Variants in AHNAK observed in about 807,000 individuals in gnomAD.
AHNAK encodes the protein neuroblast differentiation-associated protein AHNAK.
A neutral mutation model predicts 37.8 loss-of-function variants in AHNAK; 23 were observed. That is an observed-to-expected ratio of 0.61 (90% CI 0.44 to 0.86). AHNAK has a LOEUF of 0.86. Ranked by LOEUF, AHNAK falls within the 40% of genes least tolerant of loss-of-function variation. The pLI, the probability that AHNAK is intolerant of heterozygous loss-of-function variation, is 0.00. For synonymous variants in AHNAK, 2,481 were observed against 2,636.3 expected, an observed-to-expected ratio of 0.94 and a Z score of 1.80; for missense variants, 7,411 against 7,319.4, an observed-to-expected ratio of 1.01 and a Z score of -0.46.
In AHNAK at chr11:62,533,054, G is replaced by T. The variant is rs1247058064; in HGVS notation, c.1363C>A (p.Leu455Met). Reference protein sequence around the residue: ...KGEETGIDVTLPTGEVTVPGV... With the variant: ...KGEETGIDVTMPTGEVTVPGV... ...GGAACAGTCACTTCACCTGTAGGCA[G>T]TGTCACATCAATCCCAGTTTCCTCT... is the stretch of plus-strand genomic sequence containing the variant. Residue 455 changes from leucine to methionine, a missense_variant, in exon 5 of 5, where the codon CTG becomes ATG. By Grantham distance (15) the Leu-to-Met change is conservative (BLOSUM62 2). Coordinates refer to ENST00000378024, the MANE Select transcript of AHNAK (RefSeq NM_001620.3). 2 of 1,610,886 alleles carry T rather than the reference G, an allele frequency of 1.2e-6. No individual in the cohort carries two copies. The highest frequency in any genetic ancestry group is 3.4e-5 in the Admixed American group (2 of 59,150).
chr11:62,527,636 G>A lies in AHNAK; in HGVS notation c.6781C>T (p.Pro2261Ser), dbSNP rs144211207. Residue 2261 changes from proline to serine, a missense_variant, in exon 5 of 5, where the codon CCA (proline) becomes TCA (serine). Physicochemically the swap from Pro to Ser is moderately conservative, Grantham distance 74. Coordinates refer to ENST00000378024, the MANE Select transcript of AHNAK (RefSeq NM_001620.3). ...FSMPGFKGEG[P>S]EVDVNLPKAD... is the part of the protein sequence containing the mutation. ...TTGGGCAAGTTCACATCCACTTCTG[G>A]GCCCTCTCCTTTGAAGCCAGGCATG... 2.0e-5 allele frequency: 32 copies of A among 1,613,852 alleles called. No individual in the cohort carries two copies. In the African/African-American group the frequency reaches 3.2e-4, roughly 16 times the overall value.
At chr11:62,436,359 T>A (rs1381162859) in intron 5 of AHNAK, among the ~76,000 whole-genome samples, 1 of 152,040 alleles carries the variant, frequency 6.6e-6, no homozygotes, top group African/African-American at 2.4e-5. Flanking sequence ...GTACCAAGAT[T>A]CACTCTCAAC....
At chr11:62,490,197 C>CTTTTTTTTTTTTTTTTTTTTT (rs944550481) in intron 5 of AHNAK, among the ~76,000 whole-genome samples, 1 of 115,932 alleles carries the variant, frequency 8.6e-6, no homozygotes, top group Non-Finnish European at 1.8e-5. Context: ...TTTTCTTTTT[C>CTTTTTTTTTTTTTTTTTTTTT]TTTTTTTTTT....
At chr11:62,502,988 T>G (rs1471063490) in intron 4 of AHNAK, among the ~76,000 whole-genome samples, 1 of 152,136 alleles carries the variant, frequency 6.6e-6, no homozygotes, top group East Asian at 1.9e-4. Context: ...CTCCAAGACC[T>G]TTTTTTCCCT....
intron 4 of AHNAK, among the ~76,000 whole-genome samples, chr11:62,496,265 A>C (rs1939607674): frequency 6.6e-6 from 1 of 152,196 alleles, no homozygotes; most frequent in Non-Finnish European, 1.5e-5. Flanking sequence ...ACTGCCTTAA[A>C]AGTCCTAGGC....
At chr11:62,496,835 GAAGGAAGGAAGA>G (rs1445817412) in intron 4 of AHNAK, among the ~76,000 whole-genome samples, 7 of 149,694 alleles carry the variant, frequency 4.7e-5, no homozygotes, top group Admixed American at 4.0e-4. Context: ...AGAAAGAAAG[GAAGGAAGGAAGA>G]AAGGAAGGAA....
At position 62,531,100 on chromosome 11, in the gene AHNAK, G is replaced by C; in HGVS notation, c.3317C>G (p.Pro1106Arg). Reference protein sequence around the residue: ...MQVPDVDIRGPKVDIKAPDVE... With the variant: ...MQVPDVDIRGRKVDIKAPDVE... ...ATCTGGTGCTTTAATATCTACCTTG[G>C]GACCTCTGATGTCCACATCTGGAAC... The change falls in exon 5 of 5, where the codon CCC becomes CGC. Residue 1106 changes from proline (P) to arginine (R), a missense_variant. Coordinates refer to ENST00000378024, the MANE Select transcript of AHNAK (RefSeq NM_001620.3). The C allele has an allele frequency of 6.2e-7, 1 of 1,613,968 alleles. No individual in the cohort carries two copies. Among genetic ancestry groups the C allele is most frequent in the Non-Finnish European group, 8.5e-7 (1 of 1,180,026 alleles).
intron 5 of AHNAK, among the ~76,000 whole-genome samples, chr11:62,491,560 T>C (rs976873579): frequency 6.6e-6 from 1 of 151,732 alleles, no homozygotes; most frequent in African/African-American, 2.4e-5. Context: ...GAAAGAAGAG[T>C]AGGGTTTGAA....
chr11:62,492,314 G>A (rs952149826), intron 4 of AHNAK, among the ~76,000 whole-genome samples: 6 of 152,096 alleles, frequency 3.9e-5, no homozygotes, highest in Admixed American at 1.3e-4. Flanking sequence ...CAGGGGTTCC[G>A]ATCACTAGAT....
At chr11:62,453,116 T>A (rs1337177075) in intron 5 of AHNAK, among the ~76,000 whole-genome samples, 3 of 152,074 alleles carry the variant, frequency 2.0e-5, no homozygotes, top group African/African-American at 7.2e-5. Flanking sequence ...CCCAGGAGCA[T>A]CCCACCTCCA....
chr11:62,456,134 C>T (rs140802854), intron 5 of AHNAK, among the ~76,000 whole-genome samples: 96 of 152,264 alleles, frequency 6.3e-4, no homozygotes, highest in African/African-American at 2.2e-3. Flanking sequence ...GAAAAGACAG[C>T]ATCTGCAAGC....
rs1250107731 is a variant in AHNAK at position 62,532,315 on chromosome 11, T to A, written c.2102A>T (p.Asp701Val). The change falls in exon 5 of 5, where the codon GAT (aspartate) becomes GTT (valine). Residue 701 changes from aspartate (D) to valine (V), a missense_variant. Coordinates refer to ENST00000378024, the MANE Select transcript of AHNAK (RefSeq NM_001620.3). ...SVKTPKISMP[D>V]VDLHVKGTKV... ...TGTACCTTTCACGTGCAAATCTACATCAGGCATGGAGATCTTTGGTGTCTT... is the reference window on the plus strand; with the variant it reads ...TGTACCTTTCACGTGCAAATCTACAACAGGCATGGAGATCTTTGGTGTCTT... The A allele has an allele frequency of 3.7e-6, 6 of 1,614,086 alleles. No homozygotes were observed. Among genetic ancestry groups the A allele is most frequent in the Admixed American group, 3.3e-5 (2 of 59,994 alleles).
At chr11:62,452,777 C>A (rs2036651162) in intron 5 of AHNAK, among the ~76,000 whole-genome samples, 1 of 152,066 alleles carries the variant, frequency 6.6e-6, no homozygotes, top group Non-Finnish European at 1.5e-5. Flanking sequence ...GTAATCCCAA[C>A]ACTTTGGGAG....
chr11:62,525,833 C>T lies in AHNAK; in HGVS notation c.8584G>A (p.Gly2862Arg), dbSNP rs1255994125. The T allele has an allele frequency of 2.5e-6, 4 of 1,613,944 alleles. No individual in the cohort carries two copies. Among genetic ancestry groups the T allele is most frequent in the Non-Finnish European group, 3.4e-6 (4 of 1,180,046 alleles). ...TCAACTTCAGGACCTTTCAGATCTC[C>T]CTCTACCTTAGGGCCTGTAACATCC... ...DVDVTGPKVE[G>R]DLKGPEVDLK... is the part of the protein sequence containing the mutation. Residue 2862 changes from glycine (G) to arginine (R), a missense_variant, in exon 5 of 5, where the codon GGA becomes AGA. Gly to Arg is a moderately radical substitution (Grantham distance 125). Coordinates refer to ENST00000378024, the MANE Select transcript of AHNAK (RefSeq NM_001620.3).
chr11:62,483,149 AC>A (rs1243894203), intron 5 of AHNAK, among the ~76,000 whole-genome samples: 3 of 151,998 alleles, frequency 2.0e-5, no homozygotes, highest in African/African-American at 4.8e-5. Context: ...GTGACAGAAG[AC>A]CCCGAAGGCC....
At chr11:62,444,825 G>T (rs545114891) in intron 5 of AHNAK, among the ~76,000 whole-genome samples, 116 of 152,338 alleles carry the variant, frequency 7.6e-4, no homozygotes, top group Non-Finnish European at 1.3e-3. Context: ...ACTGAATCCC[G>T]GAGCCTTCCC....
chr11:62,522,977 T>G lies in AHNAK; in HGVS notation c.11440A>C (p.Met3814Leu), dbSNP rs1410381196. 1.2e-6 allele frequency: 2 copies of G among 1,613,748 alleles called. No homozygotes were observed. Among genetic ancestry groups the G allele is most frequent in the Non-Finnish European group, 1.7e-6 (2 of 1,180,002 alleles). ...GGGCCCTCTCCTTTGAAGCCAGGCA[T>G]GCTGAACTTGGGCATTTTCACCTTG... ...MPKVKMPKFS[M>L]PGFKGEGPDV... Residue 3814 changes from methionine to leucine, a missense_variant, in exon 5 of 5, where the codon ATG (methionine) becomes CTG (leucine). Coordinates refer to ENST00000378024, the MANE Select transcript of AHNAK (RefSeq NM_001620.3).
Position 62,519,788 on chromosome 11 carries a change from TC to T in AHNAK, c.14628del (p.Thr4877LeufsTer2). On this transcript the variant is annotated frameshift_variant, in exon 5 of 5. Coordinates refer to ENST00000378024, the MANE Select transcript of AHNAK (RefSeq NM_001620.3). LOFTEE classifies it low-confidence loss of function (END_TRUNC). ...DFDVSVPKVEGTLKGPEVDLK... is the reference protein window; with the variant it reads ...DFDVSVPKVEXTLKGPEVDLK... Reference sequence around the variant, plus strand: ...AGATCTACTTCTGGGCCTTTCAAAGTCCCTTCAACCTTAGGGACAGACACAT... The same window carrying T: ...AGATCTACTTCTGGGCCTTTCAAAGTCCTTCAACCTTAGGGACAGACACAT... The T allele has an allele frequency of 6.2e-7, 1 of 1,613,212 alleles. No homozygotes were observed. The highest frequency in any genetic ancestry group is 8.5e-7 in the Non-Finnish European group (1 of 1,179,618).
Position 62,520,360 on chromosome 11 carries a change from G to T in AHNAK, c.14057C>A (p.Pro4686His), listed in dbSNP as rs747193628. The T allele has an allele frequency of 6.2e-7, 1 of 1,612,076 alleles. No homozygotes were observed. The highest frequency in any genetic ancestry group is 8.5e-7 in the Non-Finnish European group (1 of 1,179,528). The part of the protein sequence containing the change: ...LPKADIDVSG[P>H]KVDVDVPDVN... The stretch of plus-strand genomic sequence containing the variant: ...ATCAGGAACATCAACGTCCACTTTG[G>T]GTCCTGAGACATCAATGTCAGCCTT... The change falls in exon 5 of 5, where the codon CCC (proline) becomes CAC (histidine). Residue 4686 changes from proline (P) to histidine (H), a missense_variant. Coordinates refer to ENST00000378024, the MANE Select transcript of AHNAK (RefSeq NM_001620.3).
Sources: allele counts gnomAD v4.1 joint callset (sites outside exome capture counted in the v4.1 genomes callset), GRCh38; gene constraint gnomAD v4.1.1; transcripts MANE v1.5; gene names NCBI Gene and HGNC (gene_info 2026-07-23, HGNC 2026-07-21).